ACOT11: variants seen among roughly 807,000 people sequenced by gnomAD.
ACOT11 encodes acyl-coenzyme A thioesterase 11.
Under a neutral mutation model 77.5 loss-of-function variants are expected in ACOT11, and 69 were observed. The ratio of observed to expected loss-of-function variants is 0.89; its 90% CI spans 0.73 to 1.09. ACOT11 has a LOEUF of 1.09. Among genes scored for constraint, ACOT11 ranks in the 50% least tolerant of loss-of-function variants. The probability of loss-of-function intolerance (pLI) is 0.00; values close to 1 mark genes in which losing one functional copy is unlikely to be tolerated. For synonymous variants in ACOT11, 279 were observed against 313.0 expected (o/e 0.89, Z 1.15); for missense variants, 766 against 813.7 (o/e 0.94, Z 0.71).
At chr1:54,619,690 C>T (rs1205198996) in intron 15 of ACOT11, among the ~76,000 whole-genome samples, 1 of 152,176 alleles carries the variant, frequency 6.6e-6, no homozygotes, top group African/African-American at 2.4e-5. Context: ...AGTTTGTCAG[C>T]TGCACAACCT....
At chr1:54,611,250 CA>C (rs1644115051), downstream of ACOT11, among the ~76,000 whole-genome samples, 2 of 152,088 alleles carry the variant, frequency 1.3e-5, no homozygotes, top group Non-Finnish European at 2.9e-5. Context: ...CCTGGCCCAA[CA>C]TGGTGAAACC....
chr1:54,631,035 T>C (rs568668520), intron 16 of ACOT11: 1 of 423,550 alleles, frequency 2.4e-6, no homozygotes, highest in African/African-American at 2.0e-5. Context: ...AGCATGTTTA[T>C]TTGCCAGCTG....
At chr1:54,573,207 C>T in intron 1 of ACOT11, 1 of 985,478 alleles carries the variant, frequency 1.0e-6, no homozygotes, top group Non-Finnish European at 1.2e-6. Flanking sequence ...ACTGTCCTGC[C>T]TGCCAGATGA....
chr1:54,602,093 A>G (rs1195401491), intron 9 of ACOT11, among the ~76,000 whole-genome samples: 1 of 152,222 alleles, frequency 6.6e-6, no homozygotes, highest in African/African-American at 2.4e-5. Context: ...GGTCACAGCC[A>G]TAGCCGCTTC....
At chr1:54,592,450 C>G in intron 3 of ACOT11, 96 bp from the exon 4 acceptor site, 2 of 1,212,584 alleles carry the variant, frequency 1.6e-6, no homozygotes, top group Non-Finnish European at 2.3e-6. Flanking sequence ...AGTTATCCTG[C>G]CAGCTCCCCG....
intron 15 of ACOT11, among the ~76,000 whole-genome samples, chr1:54,624,473 G>T (rs12405775): frequency 0.24 from 36,379 of 152,038 alleles, 4,840 homozygotes; most frequent in East Asian, 0.32. Flanking sequence ...GGATATAGAG[G>T]CTGTGGGCTC....
intron 1 of ACOT11, chr1:54,573,000 A>G (rs1043050553): frequency 2.0e-6 from 2 of 985,322 alleles, no homozygotes; most frequent in Admixed American, 6.1e-5. Context: ...CCAGTGGGAC[A>G]GTGTTCTGGA....
chr1:54,569,152 G>A (rs966290172), intron 1 of ACOT11, among the ~76,000 whole-genome samples: 2 of 151,216 alleles, frequency 1.3e-5, no homozygotes, highest in African/African-American at 4.9e-5. Context: ...TGTAGAGATG[G>A]GATCTTGCTC....
chr1:54,622,563 C>T (rs1239561840), intron 15 of ACOT11, among the ~76,000 whole-genome samples: 1 of 149,888 alleles, frequency 6.7e-6, no homozygotes, highest in African/African-American at 2.5e-5. Context: ...AGAGAGACTC[C>T]GTTTCAAAAA....
At chr1:54,571,060 AT>A (rs2100961772) in intron 1 of ACOT11, among the ~76,000 whole-genome samples, 1 of 138,890 alleles carries the variant, frequency 7.2e-6, no homozygotes, top group East Asian at 2.1e-4. Flanking sequence ...CAATTATGAT[AT>A]TCTCTCTCTC....
intron 1 of ACOT11, among the ~76,000 whole-genome samples, chr1:54,568,358 C>G (rs1040408575): frequency 2.5e-5 from 2 of 80,556 alleles, no homozygotes; most frequent in Admixed American, 2.8e-4. Context: ...TTCCCAGCAC[C>G]TTTTTTTTTT....
At chr1:54,555,443 G>A (rs1486524572) in intron 1 of ACOT11, among the ~76,000 whole-genome samples, 2 of 151,402 alleles carry the variant, frequency 1.3e-5, no homozygotes, top group Non-Finnish European at 2.9e-5. Flanking sequence ...TTTTTCTATT[G>A]AGTTGTTTTA....
At chr1:54,617,709 A>ATTTTGTTTTT (rs1644187603) in intron 15 of ACOT11, among the ~76,000 whole-genome samples, 1 of 55,740 alleles carries the variant, frequency 1.8e-5, no homozygotes, top group African/African-American at 7.3e-5. Flanking sequence ...AGGGCCTGAG[A>ATTTTGTTTTT]TTTTTTTTTT....
intron 1 of ACOT11, among the ~76,000 whole-genome samples, chr1:54,578,936 G>C (rs899946533): frequency 6.6e-6 from 1 of 151,938 alleles, no homozygotes; most frequent in African/African-American, 2.4e-5. Context: ...TTCACCAAAT[G>C]AATACATATA....
chr1:54,560,072 ACG>A (rs1160287366), intron 1 of ACOT11, among the ~76,000 whole-genome samples: 2 of 152,168 alleles, frequency 1.3e-5, no homozygotes, highest in African/African-American at 4.8e-5. Flanking sequence ...TGGGGCAGTG[ACG>A]GACTGGGGCA....
chr1:54,585,721 G>T, intron 2 of ACOT11, 114 bp from the exon 3 acceptor site: 1 of 936,786 alleles, frequency 1.1e-6, no homozygotes, highest in Middle Eastern at 2.3e-4. Context: ...GGTGTGGTGG[G>T]AGTTGTGGCC....
At chr1:54,571,359 A>G (rs1446777693) in intron 1 of ACOT11, among the ~76,000 whole-genome samples, 2 of 152,118 alleles carry the variant, frequency 1.3e-5, no homozygotes, top group Admixed American at 1.3e-4. Context: ...GTAGGAAAAT[A>G]TGGGGATGGG....
At chr1:54,591,777 CAG>C (rs1654722368) in intron 3 of ACOT11, among the ~76,000 whole-genome samples, 1 of 152,202 alleles carries the variant, frequency 6.6e-6, no homozygotes, top group Admixed American at 6.5e-5. Context: ...GTGCAGTCAA[CAG>C]AGTCAGTCTA....
At position 54,601,416 on chromosome 1, in the gene ACOT11, A is replaced by T. The variant is rs771894636; in HGVS notation, c.1029+3A>T. 9.9e-6 allele frequency: 16 copies of T among 1,610,924 alleles called. No homozygotes were observed. Among genetic ancestry groups the T allele is most frequent in the African/African-American group, 1.3e-5 (1 of 74,910 alleles). On this transcript the variant is annotated splice_donor_region_variant and intron_variant, in intron 9 of 15. Transcript: ENST00000343744. ...CCTGGATTCGGCCCCAGCCCGGCGT[A>T]AGTGGGACCAGCGCCCTGCCCCACC...
Sources: gnomAD v4.1 joint callset for allele counts (sites outside exome capture counted in the v4.1 genomes callset) on GRCh38, gnomAD v4.1.1 for gene constraint, MANE v1.5 for transcripts, NCBI Gene and HGNC (gene_info 2026-07-23, HGNC 2026-07-21) for gene names.